Variants in ACVR1C observed in about 807,000 individuals in gnomAD.
The protein encoded by ACVR1C is activin receptor type-1C.
Under a neutral mutation model 57.9 loss-of-function variants are expected in ACVR1C, and 23 were observed. That is an observed-to-expected ratio of 0.40 (90% CI 0.29 to 0.56). The LOEUF is 0.56. ACVR1C is among the 20% of genes least tolerant of loss of function. The pLI, the probability that ACVR1C is intolerant of heterozygous loss-of-function variation, is 0.50. For missense variants in ACVR1C, 480 were observed against 607.9 expected, an observed-to-expected ratio of 0.79 and a Z score of 2.21; for synonymous variants, 214 against 215.3, an observed-to-expected ratio of 0.99 and a Z score of 0.05.
chr2:157,554,252 A>AAGG (rs1688014235), intron 3 of ACVR1C, among the ~76,000 whole-genome samples: 4 of 130,826 alleles, frequency 3.1e-5, no homozygotes, highest in African/African-American at 1.0e-4. Context: ...AGAAAGAAAG[A>AAGG]AAGAAAGAAA....
chr2:157,570,700 C>T (rs1688496173), intron 2 of ACVR1C, among the ~76,000 whole-genome samples: 1 of 62,188 alleles, frequency 1.6e-5, no homozygotes, highest in Non-Finnish European at 3.4e-5. Context: ...AACCACTGCT[C>T]AAGGAAATAA....
intron 4 of ACVR1C, among the ~76,000 whole-genome samples, chr2:157,546,712 A>T (rs796673412): frequency 4.0e-5 from 6 of 151,342 alleles, no homozygotes; most frequent in African/African-American, 1.5e-4. Flanking sequence ...ACAATTTCGT[A>T]AAAAAAAAGA....
chr2:157,561,462 G>A (rs1422638444), intron 2 of ACVR1C, among the ~76,000 whole-genome samples: 1 of 152,140 alleles, frequency 6.6e-6, no homozygotes, highest in Non-Finnish European at 1.5e-5. Flanking sequence ...ATGACGTGAT[G>A]ATGTTCTGTC....
chr2:157,586,014 T>G (rs987415731), intron 2 of ACVR1C, among the ~76,000 whole-genome samples: 3 of 152,186 alleles, frequency 2.0e-5, no homozygotes, highest in African/African-American at 7.2e-5. Flanking sequence ...AAACATGATA[T>G]TACATAACAC....
chr2:157,538,708 A>G lies in ACVR1C; in HGVS notation c.1226-5T>C. On this transcript the variant is annotated splice_polypyrimidine_tract_variant and splice_region_variant and intron_variant, in intron 7 of 8. Transcript: ENST00000243349. ...ATTGGTACTCCTCAACAATTCCTGT[A>G]AGAAATTTGTATAATAAATTTCCAT... 1 of 1,466,880 alleles carries G rather than the reference A, an allele frequency of 6.8e-7. No homozygotes were observed. The highest frequency in any genetic ancestry group is 9.0e-7 in the Non-Finnish European group (1 of 1,108,772). 90.9% of individuals were successfully genotyped at this position (1,466,880 alleles called of 1,614,324 possible).
chr2:157,597,224 T>G (rs1682147122), intron 1 of ACVR1C: 1 of 539,774 alleles, frequency 1.9e-6, no homozygotes, highest in Non-Finnish European at 2.4e-6. Context: ...TGCATGTGCA[T>G]TAACCTGCCC....
intron 2 of ACVR1C, among the ~76,000 whole-genome samples, chr2:157,575,353 G>A (rs1399974236): frequency 2.0e-5 from 3 of 152,038 alleles, no homozygotes; most frequent in African/African-American, 4.8e-5. Context: ...GGCTGGTCTC[G>A]AACTCCTGAC....
chr2:157,600,452 C>CA (rs1472730876), intron 1 of ACVR1C, among the ~76,000 whole-genome samples: 2 of 152,088 alleles, frequency 1.3e-5, no homozygotes, highest in Non-Finnish European at 2.9e-5. Context: ...AAGTAATAAA[C>CA]AATTAATAGT....
intron 1 of ACVR1C, among the ~76,000 whole-genome samples, chr2:157,594,475 C>A (rs1172133007): frequency 6.8e-6 from 1 of 146,862 alleles, no homozygotes; most frequent in South Asian, 2.2e-4. Context: ...TCACACCCTG[C>A]TATTTCAGTG....
chr2:157,628,442 T>A, intron 1 of ACVR1C, 130 bp downstream of exon 1: 1 of 1,084,286 alleles, frequency 9.2e-7, no homozygotes, highest in Non-Finnish European at 1.4e-6. Context: ...TCAATCCGAC[T>A]GGCGCTTCCC....
At position 157,533,941 on chromosome 2, in the gene ACVR1C, C is replaced by T. The variant is rs115359066; in HGVS notation, c.1459G>A (p.Val487Ile). 442 of 1,583,276 alleles carry T rather than the reference C, an allele frequency of 2.8e-4. 2 individuals are homozygous for T. The East Asian group carries it at 7.7e-3, about 27-fold the overall frequency. Residue 487 changes from valine to isoleucine, a missense_variant, in exon 9 of 9, where the codon GTC (valine) becomes ATC (isoleucine). Physicochemically the swap from Val to Ile is conservative, Grantham distance 29. Coordinates refer to ENST00000243349, the MANE Select transcript of ACVR1C (RefSeq NM_145259.3). ...RIKKTISQLC[V>I]KEDCKA ...CATTAGGCTTTGCAGTCTTCTTTGACACAAAGTTGAGATATAGTCTTCTTA... is the reference window on the plus strand; with the variant it reads ...CATTAGGCTTTGCAGTCTTCTTTGATACAAAGTTGAGATATAGTCTTCTTA...
At chr2:157,596,339 G>A (rs1043022916) in intron 1 of ACVR1C, among the ~76,000 whole-genome samples, 3 of 151,826 alleles carry the variant, frequency 2.0e-5, no homozygotes, top group Non-Finnish European at 2.9e-5. Flanking sequence ...GGGGGGTGGG[G>A]GGCAGAACGA....
intron 1 of ACVR1C, among the ~76,000 whole-genome samples, chr2:157,627,691 C>T (rs918555265): frequency 6.6e-6 from 1 of 152,180 alleles, no homozygotes; most frequent in Non-Finnish European, 1.5e-5. Flanking sequence ...TTTTTATGTG[C>T]AAATGTCTTC....
rs1687292856 is a variant in ACVR1C at position 157,528,839 on chromosome 2, T to C, written c.*5079A>G. 1 of 152,180 alleles carries C rather than the reference T, an allele frequency of 6.6e-6. No individual in the cohort carries two copies. Among genetic ancestry groups the C allele is most frequent in the East Asian group, 1.9e-4 (1 of 5,202 alleles). 9.4% of individuals were successfully genotyped at this position (152,180 alleles called of 1,614,324 possible). On this transcript the variant is annotated 3_prime_UTR_variant, in exon 9 of 9. Coordinates refer to ENST00000243349, the MANE Select transcript of ACVR1C (RefSeq NM_145259.3). ...ATCTCTGCCATTAACAAATACTCTA[T>C]AGTGCCAAATGAAGGATTACTGGAG... is the stretch of plus-strand genomic sequence containing the variant.
chr2:157,598,459 A>C (rs1030368247), intron 1 of ACVR1C, among the ~76,000 whole-genome samples: 7 of 151,932 alleles, frequency 4.6e-5, no homozygotes, highest in African/African-American at 1.7e-4. Flanking sequence ...TGACTTTACC[A>C]AAATCAAGGC....
chr2:157,575,756 C>T (rs577454965), intron 2 of ACVR1C, among the ~76,000 whole-genome samples: 63 of 152,264 alleles, frequency 4.1e-4, no homozygotes, highest in African/African-American at 1.4e-3. Context: ...GGAAGAAAAC[C>T]AGATGTCTTT....
chr2:157,529,055 G>A lies in ACVR1C; in HGVS notation c.*4863C>T, dbSNP rs1293673325. ...ATGAATGCCAAAGACAAACTAATGA[G>A]AAACTGAGGGGAAAAAAAAGAGAAA... On this transcript the variant is annotated 3_prime_UTR_variant, in exon 9 of 9. Coordinates refer to ENST00000243349, the MANE Select transcript of ACVR1C (RefSeq NM_145259.3). 1 of 151,972 alleles carries A rather than the reference G, an allele frequency of 6.6e-6. No individual in the cohort carries two copies. 9.4% of individuals were successfully genotyped at this position (151,972 alleles called of 1,614,324 possible). A position where few individuals can be genotyped will look rare whatever the true frequency, so the allele number is the denominator to read the frequency against.
chr2:157,555,101 CTTTTTTTTTTTTT>C (rs60269781), intron 3 of ACVR1C, among the ~76,000 whole-genome samples: 7 of 83,926 alleles, frequency 8.3e-5, no homozygotes, highest in African/African-American at 1.8e-4. Context: ...ACTTTGAACG[CTTTTTTTTTTTTT>C]TTTTTTTTTT....
chr2:157,537,107 G>A (rs570332775), intron 8 of ACVR1C, among the ~76,000 whole-genome samples: 1 of 152,144 alleles, frequency 6.6e-6, no homozygotes, highest in East Asian at 1.9e-4. Context: ...TCTACAGTAA[G>A]TTTCAATCAC....
Sources: gnomAD v4.1 joint callset for allele counts (sites outside exome capture counted in the v4.1 genomes callset) on GRCh38, gnomAD v4.1.1 for gene constraint, MANE v1.5 for transcripts, NCBI Gene and HGNC (gene_info 2026-07-23, HGNC 2026-07-21) for gene names.